The following MBP variants were observed in gnomAD, a reference collection of about 807,000 sequenced individuals.
MBP encodes the protein Golli-MBP.
MBP carries 16 observed loss-of-function variants against 35.8 expected under a neutral mutation model. The observed-to-expected ratio is 0.45, with a 90% CI of 0.30 to 0.68. MBP has a LOEUF of 0.68. Among genes scored for constraint, MBP ranks in the 30% least tolerant of loss-of-function variants. MBP has a pLI of 0.08. For missense variants in MBP, 380 were observed against 404.7 expected (o/e 0.94, Z 0.52); for synonymous variants, 143 against 159.6 (o/e 0.90, Z 0.78).
chr18:77,016,247 A>G, intron 4 of MBP: 2 of 985,498 alleles, frequency 2.0e-6, no homozygotes, highest in South Asian at 9.4e-5. Context: ...TCACAAGATA[A>G]TAAAGCTTTG....
At chr18:77,132,186 C>A (rs551650683) in intron 1 of MBP, among the ~76,000 whole-genome samples, 62 of 152,172 alleles carry the variant, frequency 4.1e-4, no homozygotes, top group Non-Finnish European at 6.6e-4. Context: ...CGAGGCCGAG[C>A]GGTTTCAGCG....
chr18:76,989,834 C>T lies in MBP; in HGVS notation c.681+122G>A. ...GAGGGGGGAGTTCCCCGGCCGGCCTCACCCTGATGATGACCCCGGTGCCAC... is the reference window on the plus strand; with the variant it reads ...GAGGGGGGAGTTCCCCGGCCGGCCTTACCCTGATGATGACCCCGGTGCCAC... On this transcript the variant is annotated intron_variant, in intron 5 of 8. Transcript: ENST00000355994. The surrounding 1 kb of genome is among the most constrained non-coding windows in gnomAD (Gnocchi z 4.0). 2 of 805,344 alleles carry T rather than the reference C, an allele frequency of 2.5e-6. No homozygotes were observed. Among genetic ancestry groups the T allele is most frequent in the Non-Finnish European group, 2.1e-6 (1 of 484,646 alleles). 49.9% of individuals were successfully genotyped at this position (805,344 alleles called of 1,614,324 possible).
At chr18:77,086,080 A>C (rs1432905153) in intron 2 of MBP, among the ~76,000 whole-genome samples, 1 of 152,194 alleles carries the variant, frequency 6.6e-6, no homozygotes, top group Non-Finnish European at 1.5e-5. Flanking sequence ...TCCCTTACCT[A>C]AAGGAGCAAA....
intron 2 of MBP, among the ~76,000 whole-genome samples, chr18:77,070,675 T>C: frequency 6.6e-6 from 1 of 152,140 alleles, no homozygotes; most frequent in East Asian, 1.9e-4. Context: ...AAGCTTTCCC[T>C]GGGGGTCAGT....
Position 76,988,385 on chromosome 18 carries a change from G to T in MBP, c.750+110C>A. Reference sequence around the variant, plus strand: ...GCTGTGGGCAGAGAGGTCTCGAGAGGAGAGAAAAGGAGGCCAGGAAGCAAC... The same window carrying T: ...GCTGTGGGCAGAGAGGTCTCGAGAGTAGAGAAAAGGAGGCCAGGAAGCAAC... On this transcript the variant is annotated intron_variant, in intron 7 of 8. Transcript: ENST00000355994. The surrounding 1 kb of genome is among the most constrained non-coding windows in gnomAD (Gnocchi z 5.2). 6.2e-7 allele frequency: 1 copy of T among 1,613,772 alleles called. No homozygotes were observed. Among genetic ancestry groups the T allele is most frequent in the Non-Finnish European group, 8.5e-7 (1 of 1,179,778 alleles).
chr18:77,076,632 G>A (rs1380639785), intron 2 of MBP, among the ~76,000 whole-genome samples: 2 of 152,172 alleles, frequency 1.3e-5, no homozygotes, highest in African/African-American at 4.8e-5. Context: ...CTGTGCCAGC[G>A]GCTGTTTCAT....
At chr18:77,122,999 C>T (rs893857035) in intron 1 of MBP, among the ~76,000 whole-genome samples, 2 of 152,214 alleles carry the variant, frequency 1.3e-5, no homozygotes, top group Non-Finnish European at 2.9e-5. Context: ...GGGAAAATTA[C>T]TTGGGAACTT....
rs1555716944 is a variant in MBP at position 77,028,742 on chromosome 18, C to CA, written c.140-11475_140-11474insT. Among the ~76,000 whole-genome samples, 2 of 94,720 alleles carry CA rather than the reference C, an allele frequency of 2.1e-5. 1 individual carries two copies. Among genetic ancestry groups the CA allele is most frequent in the Non-Finnish European group, 5.4e-5 (2 of 36,900 alleles). 62.1% of individuals were successfully genotyped at this position (94,720 alleles called of 152,430 possible). ...CTCCCGGACGGGGCGGCTGGCCAGG[C>CA]GGGGGGCTGATCCCCCCACCTCCCT... On this transcript the variant is annotated intron_variant, in intron 3 of 8. Coordinates refer to ENST00000355994, the MANE Select transcript of MBP (RefSeq NM_001025101.2).
chr18:76,986,702 C>A, intron 7 of MBP: 1 of 985,524 alleles, frequency 1.0e-6, no homozygotes, highest in African/African-American at 1.7e-5. Context: ...TGGCAGAGGG[C>A]AGGTTGCCAG....
chr18:77,058,535 G>A (rs1383707034), intron 3 of MBP, among the ~76,000 whole-genome samples: 1 of 152,208 alleles, frequency 6.6e-6, no homozygotes, highest in Non-Finnish European at 1.5e-5. Context: ...CACAGGGGAC[G>A]AGCTGTTCCA....
intron 3 of MBP, among the ~76,000 whole-genome samples, chr18:77,033,119 C>T (rs112452928): frequency 5.8e-4 from 88 of 152,222 alleles, no homozygotes; most frequent in African/African-American, 2.1e-3. Flanking sequence ...AGGTGTGCAC[C>T]ACCACGTCCA....
At chr18:77,127,558 A>C (rs1050753630) in intron 1 of MBP, 2 of 152,218 alleles carry the variant, frequency 1.3e-5, no homozygotes, top group African/African-American at 2.4e-5. Context: ...AATTCAACAA[A>C]ATGTAAAACT....
intron 3 of MBP, among the ~76,000 whole-genome samples, chr18:77,060,036 G>T (rs1321175813): frequency 6.6e-6 from 1 of 152,194 alleles, no homozygotes; most frequent in East Asian, 1.9e-4. Flanking sequence ...GGCTGGGCGT[G>T]GTGGCTCATG....
intron 1 of MBP, among the ~76,000 whole-genome samples, chr18:77,116,878 AAAAC>A (rs146913122): frequency 0.014 from 2,118 of 152,030 alleles, 49 homozygotes; most frequent in African/African-American, 0.045. Context: ...AAAAAAAAAC[AAAAC>A]AAACAAAGAA....
chr18:77,048,940 T>C (rs1168202043), intron 3 of MBP, among the ~76,000 whole-genome samples: 1 of 148,414 alleles, frequency 6.7e-6, no homozygotes, highest in Non-Finnish European at 1.5e-5. Context: ...ATTTTTTTGA[T>C]ATGGAGTCTC....
intron 3 of MBP, among the ~76,000 whole-genome samples, chr18:77,053,628 G>A (rs146646315): frequency 8.3e-4 from 126 of 152,376 alleles, no homozygotes; most frequent in African/African-American, 2.7e-3. Flanking sequence ...CTGTAGCATA[G>A]AGGCAGAATT....
chr18:77,019,032 TCATCCATCCATCCATCCATC>T (rs10526394), intron 3 of MBP, among the ~76,000 whole-genome samples: 39,040 of 138,636 alleles, frequency 0.28, 6,377 homozygotes, highest in Admixed American at 0.38. Flanking sequence ...ACCTACCTGT[TCATCCATCCATCCATCCATC>T]CATCCATCCA....
chr18:77,068,678 G>A (rs1381447889), intron 2 of MBP, among the ~76,000 whole-genome samples: 1 of 152,204 alleles, frequency 6.6e-6, no homozygotes, highest in African/African-American at 2.4e-5. Context: ...AAACCAAGCT[G>A]CTGCTTTCCA....
At position 77,028,965 on chromosome 18, in the gene MBP, A is replaced by G. The variant is rs532186297; in HGVS notation, c.140-11697T>C. ...CAGGCAGAGGGGCTCCATCCCAGAC[A>G]ATGGGCGGCCAGGCAGAGACGCTCC... is the stretch of plus-strand genomic sequence containing the variant. On this transcript the variant is annotated intron_variant, in intron 3 of 8. Transcript: ENST00000355994. 6.8e-3 allele frequency among the ~76,000 whole-genome samples: 607 copies of G among 88,930 alleles called. 9 individuals are homozygous for G. The highest frequency in any genetic ancestry group is 0.043 in the Middle Eastern group (6 of 138). The allele number at this position is 88,930 out of a possible 152,430, so 58.3% of individuals were successfully genotyped here.
Sources: gnomAD v4.1 joint callset for allele counts (sites outside exome capture counted in the v4.1 genomes callset) on GRCh38, gnomAD v4.1.1 for gene constraint, Gnocchi (gnomAD v3.1) non-coding constraint, MANE v1.5 for transcripts, NCBI Gene and HGNC (gene_info 2026-07-23, HGNC 2026-07-21) for gene names.